The following FAM120B variants were observed in gnomAD, a reference collection of about 807,000 sequenced individuals.
The protein encoded by FAM120B is constitutive coactivator of peroxisome proliferator-activated receptor gamma.
FAM120B carries 83 observed loss-of-function variants against 96.3 expected under a neutral mutation model. That is an observed-to-expected ratio of 0.86 (90% confidence interval 0.72 to 1.03). The LOEUF (loss-of-function observed/expected upper bound fraction) is 1.03. Ranked by LOEUF, FAM120B falls within the 50% of genes least tolerant of loss-of-function variation. FAM120B has a pLI of 0.00. For synonymous variants in FAM120B, 407 were observed against 402.7 expected (o/e 1.01, Z -0.13); for missense variants, 1,027 against 1,121.2 (o/e 0.92, Z 1.20).
intron 2 of FAM120B, among the ~76,000 whole-genome samples, chr6:170,319,537 G>T (rs999794851): frequency 6.6e-6 from 1 of 152,170 alleles, no homozygotes; most frequent in African/African-American, 2.4e-5. Flanking sequence ...GCATGGTGGC[G>T]CACACATGTG....
At chr6:170,381,191 C>A (rs1789879650) in intron 6 of FAM120B, among the ~76,000 whole-genome samples, 1 of 152,080 alleles carries the variant, frequency 6.6e-6, no homozygotes, top group South Asian at 2.1e-4. Flanking sequence ...CAAATTAGTA[C>A]TACTAGGGAT....
At chr6:170,306,403 T>A (rs572046081), upstream of FAM120B, 1 of 152,314 alleles carries the variant, frequency 6.6e-6, no homozygotes, top group East Asian at 1.9e-4. Flanking sequence ...GAGCCGCCAG[T>A]CCTCAGTGCC....
chr6:170,315,053 T>A (rs1784817967), intron 1 of FAM120B, among the ~76,000 whole-genome samples: 2 of 152,250 alleles, frequency 1.3e-5, no homozygotes, highest in African/African-American at 4.8e-5. Flanking sequence ...TGCAGTCAGG[T>A]TCAGTCCTCT....
At chr6:170,377,395 G>T (rs1161171539) in intron 6 of FAM120B, among the ~76,000 whole-genome samples, 99 of 93,982 alleles carry the variant, frequency 1.1e-3, no homozygotes, top group African/African-American at 4.0e-3. Flanking sequence ...CACGCTGCTC[G>T]GTGCTGTGCA....
At chr6:170,376,429 G>A (rs2115267965) in intron 6 of FAM120B, among the ~76,000 whole-genome samples, 1 of 151,836 alleles carries the variant, frequency 6.6e-6, no homozygotes, top group Non-Finnish European at 1.5e-5. Flanking sequence ...CTTCATTGAA[G>A]GACCAGCAGA....
In FAM120B at chr6:170,387,644, A is replaced by G. The variant is rs186005997; in HGVS notation, c.2284-643A>G. 2.6e-3 allele frequency among the ~76,000 whole-genome samples: 391 copies of G among 152,352 alleles called. 1 individual carries two copies. The highest frequency in any genetic ancestry group is 8.5e-3 in the African/African-American group (354 of 41,580). On this transcript the variant is annotated intron_variant, in intron 6 of 10. Coordinates refer to ENST00000476287, the MANE Select transcript of FAM120B (RefSeq NM_032448.3). The stretch of plus-strand genomic sequence containing the variant: ...ATTTGACAGTGAAAAGAAATATTTC[A>G]TATTGGTATGGTCTTAATTTGCAAA...
At position 170,318,206 on chromosome 6, in the gene FAM120B, G is replaced by A. The variant is rs764870841; in HGVS notation, c.816G>A (p.Ser272=). 7.4e-6 allele frequency: 12 copies of A among 1,613,804 alleles called. No individual in the cohort carries two copies. Among genetic ancestry groups the A allele is most frequent in the East Asian group, 2.2e-5 (1 of 44,906 alleles). The change falls in exon 2 of 11, where the codon TCG becomes TCA. Residue 272 remains serine (S), a synonymous_variant. Coordinates refer to ENST00000476287, the MANE Select transcript of FAM120B (RefSeq NM_032448.3). ...TATTAGCTGTGTCAGACCATATATC[G>A]AAAGTTCTTTACTTGTATCAAGGTG... ...NIILAVSDHI[S]KVLYLYQGEK... is the part of the protein sequence containing the mutation.
rs1317752527 is a variant in FAM120B at position 170,318,146 on chromosome 6, T to A, written c.756T>A (p.Ser252=). The change falls in exon 2 of 11, where the codon TCT becomes TCA. Residue 252 remains serine (S), a synonymous_variant. Transcript: ENST00000476287. ...ACAAATGCTTATCGTCCTACACCTC[T>A]GTAAAAGAGAACTTTGACAAAAAAG... The part of the protein sequence containing the change: ...FRYKCLSSYT[S]VKENFDKKGN... 8.1e-6 allele frequency: 13 copies of A among 1,614,114 alleles called. No homozygotes were observed. Among genetic ancestry groups the A allele is most frequent in the African/African-American group, 2.7e-5 (2 of 74,940 alleles).
rs571098154 is a variant in FAM120B at position 170,388,583 on chromosome 6, A to G, written c.2490+90A>G. Reference sequence around the variant, plus strand: ...ATGAAGTCGGCTGTTGCATTTTTCAAATTAATGCTTTCCAAATAAAGGATT... The same window carrying G: ...ATGAAGTCGGCTGTTGCATTTTTCAGATTAATGCTTTCCAAATAAAGGATT... On this transcript the variant is annotated intron_variant, in intron 7 of 10. Transcript: ENST00000476287. 30 of 1,082,346 alleles carry G rather than the reference A, an allele frequency of 2.8e-5. No homozygotes were observed. The South Asian group carries it at 3.3e-4, about 12-fold the overall frequency. The allele number at this position is 1,082,346 out of a possible 1,614,324, so 67.0% of individuals were successfully genotyped here. A position where few individuals can be genotyped will look rare whatever the true frequency, so the allele number is the denominator to read the frequency against.
chr6:170,342,173 T>C (rs949435491), intron 4 of FAM120B, among the ~76,000 whole-genome samples: 11 of 152,166 alleles, frequency 7.2e-5, no homozygotes, highest in African/African-American at 2.4e-4. Context: ...TTTGGTTGTT[T>C]TTTGTTTTTT....
intron 1 of FAM120B, among the ~76,000 whole-genome samples, chr6:170,307,765 G>A (rs1031854238): frequency 5.9e-5 from 9 of 152,194 alleles, no homozygotes; most frequent in African/African-American, 1.9e-4. Flanking sequence ...GTGGGGATGA[G>A]GGTGACTGCA....
In FAM120B at chr6:170,323,104, C is replaced by A; in HGVS notation, c.1760C>A (p.Ala587Glu). ...GTTGCTAGAACACATCACGTCCAAG[C>A]AGAAAGCTACCTGGTGTACAACATC... ...LKVARTHHVQ[A>E]ESYLVYNIMS... is the part of the protein sequence containing the mutation. The change falls in exon 3 of 11, where the codon GCA (alanine) becomes GAA (glutamate). Residue 587 changes from alanine to glutamate, a missense_variant. Ala to Glu is a moderately radical substitution (Grantham distance 107, BLOSUM62 -1). This residue lies in a region of FAM120B where 880 missense variants were observed against 980.9 expected (regional missense o/e 0.90). Coordinates refer to ENST00000476287, the MANE Select transcript of FAM120B (RefSeq NM_032448.3). 6.2e-7 allele frequency: 1 copy of A among 1,613,032 alleles called. No individual in the cohort carries two copies. Among genetic ancestry groups the A allele is most frequent in the Non-Finnish European group, 8.5e-7 (1 of 1,179,566 alleles).
chr6:170,322,599 A>G (rs1785365498), intron 2 of FAM120B, among the ~76,000 whole-genome samples: 1 of 152,194 alleles, frequency 6.6e-6, no homozygotes, highest in African/African-American at 2.4e-5. Flanking sequence ...AAGGCTAGAA[A>G]AAGGAGATTG....
intron 1 of FAM120B, among the ~76,000 whole-genome samples, chr6:170,301,006 C>CCCTTTT (rs1347764531): frequency 6.6e-6 from 1 of 152,170 alleles, no homozygotes; most frequent in Non-Finnish European, 1.5e-5. Flanking sequence ...ACAATGGTGG[C>CCCTTTT]CCTTTTCTCA....
At chr6:170,395,993 G>A (rs1778139429) in intron 9 of FAM120B, among the ~76,000 whole-genome samples, 3 of 152,186 alleles carry the variant, frequency 2.0e-5, no homozygotes, top group African/African-American at 4.8e-5. Flanking sequence ...TGTGAGGTAG[G>A]AAATAGCCCC....
chr6:170,337,186 T>C (rs780510516), intron 4 of FAM120B, among the ~76,000 whole-genome samples: 1 of 152,244 alleles, frequency 6.6e-6, no homozygotes, highest in Non-Finnish European at 1.5e-5. Context: ...TAAATAGCTC[T>C]TGTTATTTTG....
chr6:170,337,839 T>G (rs1786542557), intron 4 of FAM120B, among the ~76,000 whole-genome samples: 1 of 152,248 alleles, frequency 6.6e-6, no homozygotes, highest in Non-Finnish European at 1.5e-5. Context: ...TAGTATTCTC[T>G]GATGGTAGTT....
chr6:170,375,464 C>G (rs1789451704), intron 6 of FAM120B, among the ~76,000 whole-genome samples: 1 of 152,190 alleles, frequency 6.6e-6, no homozygotes, highest in African/African-American at 2.4e-5. Flanking sequence ...GCCTATTACA[C>G]AGTAAGTTAA....
chr6:170,389,443 T>TA (rs1441720324), intron 7 of FAM120B, among the ~76,000 whole-genome samples: 1 of 152,114 alleles, frequency 6.6e-6, no homozygotes, highest in East Asian at 1.9e-4. Flanking sequence ...CTCCCAAACT[T>TA]ATGGTTAGGT....
Sources: gnomAD v4.1 joint callset for allele counts (sites outside exome capture counted in the v4.1 genomes callset) on GRCh38, gnomAD v4.1.1 for gene constraint, gnomAD v4.1.1 regional missense constraint, MANE v1.5 for transcripts, NCBI Gene and HGNC (gene_info 2026-07-23, HGNC 2026-07-21) for gene names.